Variants in QRICH1 observed in about 807,000 individuals in gnomAD.
QRICH1 encodes the protein transcriptional regulator QRICH1.
In QRICH1, 16 loss-of-function variants were observed where a neutral mutation model predicts 87.1. The ratio of observed to expected loss-of-function variants is 0.18; its 90% CI spans 0.12 to 0.28. QRICH1 has a LOEUF of 0.28. Ranked by LOEUF, QRICH1 falls within the 10% of genes least tolerant of loss-of-function variation. The pLI, the probability that QRICH1 is intolerant of heterozygous loss-of-function variation, is 1.00. For missense variants in QRICH1, 647 were observed against 951.7 expected (o/e 0.68, Z 4.21); for synonymous variants, 367 against 368.4 (o/e 1.00, Z 0.05).
chr3:49,068,342 AG>A (rs1401221408), intron 2 of QRICH1, among the ~76,000 whole-genome samples: 1 of 152,014 alleles, frequency 6.6e-6, no homozygotes, highest in Non-Finnish European at 1.5e-5. Context: ...CTATAGTCCC[AG>A]CTACTCAGGA....
chr3:49,035,784 T>G (rs1323228279), intron 6 of QRICH1, among the ~76,000 whole-genome samples: 1 of 151,560 alleles, frequency 6.6e-6, no homozygotes, highest in Non-Finnish European at 1.5e-5. Flanking sequence ...CAAGACCCTG[T>G]AAGAAAAACT....
chr3:49,093,109 C>CA (rs1231433878), intron 1 of QRICH1: 1 of 152,200 alleles, frequency 6.6e-6, no homozygotes, highest in African/African-American at 2.4e-5. Context: ...AGGTACCACT[C>CA]AAGGGCCTTC....
At chr3:49,036,518 G>A (rs951953975) in intron 6 of QRICH1, among the ~76,000 whole-genome samples, 3 of 152,044 alleles carry the variant, frequency 2.0e-5, no homozygotes, top group African/African-American at 7.3e-5. Flanking sequence ...GCCAATGATG[G>A]GACATTTGTG....
Position 49,030,376 on chromosome 3 carries a change from TG to T in QRICH1, c.*75del. The T allele has an allele frequency of 7.4e-7, 1 of 1,344,676 alleles. No homozygotes were observed. Among genetic ancestry groups the T allele is most frequent in the South Asian group, 1.3e-5 (1 of 75,652 alleles). 83.3% of individuals were successfully genotyped at this position (1,344,676 alleles called of 1,614,324 possible). On this transcript the variant is annotated 3_prime_UTR_variant, in exon 10 of 10. Coordinates refer to ENST00000395443, the MANE Select transcript of QRICH1 (RefSeq NM_198880.3). ...CCAATAAAAAAAAGAAAAAAAAAAA[TG>T]GAGGCCTCTTCTTTAGTGTGAAAGT...
At chr3:49,054,926 G>A (rs930724265) in intron 3 of QRICH1, among the ~76,000 whole-genome samples, 2 of 152,090 alleles carry the variant, frequency 1.3e-5, no homozygotes, top group African/African-American at 4.8e-5. Flanking sequence ...CAGTTCAAAC[G>A]TCATTTTGTC....
intron 6 of QRICH1, 101 bp downstream of exon 6, chr3:49,044,289 A>G: frequency 1.1e-6 from 1 of 889,584 alleles, no homozygotes; most frequent in Non-Finnish European, 1.8e-6. Context: ...TGGGATTTAT[A>G]TCCCCCCTCA....
chr3:49,064,491 A>G (rs998311105), intron 2 of QRICH1, among the ~76,000 whole-genome samples: 2 of 149,822 alleles, frequency 1.3e-5, no homozygotes, highest in Non-Finnish European at 3.0e-5. Context: ...ATCCTCAAGC[A>G]ATCCACCTAC....
At chr3:49,091,150 G>C (rs1273028171) in intron 1 of QRICH1, among the ~76,000 whole-genome samples, 1 of 152,074 alleles carries the variant, frequency 6.6e-6, no homozygotes, top group Non-Finnish European at 1.5e-5. Context: ...GTGAACCCAG[G>C]AGGCAGAGGT....
chr3:49,038,784 T>C (rs1327423455), intron 6 of QRICH1, among the ~76,000 whole-genome samples: 2 of 152,160 alleles, frequency 1.3e-5, no homozygotes, highest in African/African-American at 4.8e-5. Flanking sequence ...CCTAGCACTT[T>C]GGGAGGTTGA....
At chr3:49,041,972 T>C (rs1458008874) in intron 6 of QRICH1, among the ~76,000 whole-genome samples, 3 of 151,862 alleles carry the variant, frequency 2.0e-5, no homozygotes, top group Non-Finnish European at 4.4e-5. Flanking sequence ...CAACGTTTTA[T>C]GTGTTGGCCA....
At chr3:49,034,657 GGT>G (rs2093263751) in intron 6 of QRICH1, among the ~76,000 whole-genome samples, 1 of 151,630 alleles carries the variant, frequency 6.6e-6, no homozygotes, top group South Asian at 2.1e-4. Flanking sequence ...CCACAGGGCT[GGT>G]GTTACTGTAA....
intron 3 of QRICH1, among the ~76,000 whole-genome samples, chr3:49,053,785 T>C (rs1228103884): frequency 2.6e-5 from 4 of 152,180 alleles, no homozygotes; most frequent in Non-Finnish European, 4.4e-5. Context: ...ACAGAAGATA[T>C]GATAGCTTTC....
At chr3:49,083,326 G>A (rs939813451) in intron 1 of QRICH1, 5 of 151,670 alleles carry the variant, frequency 3.3e-5, no homozygotes, top group African/African-American at 1.2e-4. Context: ...GGGCTATAGT[G>A]CTCTATGCCA....
chr3:49,075,867 G>A (rs562228966), intron 2 of QRICH1, among the ~76,000 whole-genome samples: 1 of 151,838 alleles, frequency 6.6e-6, no homozygotes, highest in South Asian at 2.1e-4. Flanking sequence ...GCTTGAACCC[G>A]GGGGACAGAG....
intron 1 of QRICH1, among the ~76,000 whole-genome samples, chr3:49,078,421 G>A (rs1272104352): frequency 3.6e-5 from 4 of 112,184 alleles, no homozygotes; most frequent in Non-Finnish European, 6.8e-5. Context: ...TTGAGATGGA[G>A]TCTCATTCTG....
At chr3:49,049,931 G>A (rs900148862) in intron 3 of QRICH1, among the ~76,000 whole-genome samples, 5 of 151,960 alleles carry the variant, frequency 3.3e-5, no homozygotes, top group Non-Finnish European at 7.4e-5. Flanking sequence ...AGCTGGGCGC[G>A]GTGGCTCACA....
chr3:49,062,209 C>T (rs1385300818), intron 2 of QRICH1, among the ~76,000 whole-genome samples: 2 of 151,878 alleles, frequency 1.3e-5, no homozygotes, highest in East Asian at 3.9e-4. Context: ...GTTACACATG[C>T]TTGTAATCCC....
Position 49,030,362 on chromosome 3 carries a change from AAG to A in QRICH1, c.*88_*89del. On this transcript the variant is annotated 3_prime_UTR_variant, in exon 10 of 10. Transcript: ENST00000395443. ...GCTTCGTAACTACACCAATAAAAAA[AAG>A]AAAAAAAAAAATGGAGGCCTCTTCT... 1 of 1,325,998 alleles carries A rather than the reference AAG, an allele frequency of 7.5e-7. No homozygotes were observed. The highest frequency in any genetic ancestry group is 1.3e-5 in the South Asian group (1 of 74,536). 82.1% of individuals were successfully genotyped at this position (1,325,998 alleles called of 1,614,324 possible). A position where few individuals can be genotyped will look rare whatever the true frequency, so the allele number is the denominator to read the frequency against.
intron 2 of QRICH1, among the ~76,000 whole-genome samples, chr3:49,067,759 T>C (rs2093476828): frequency 6.6e-6 from 1 of 152,042 alleles, no homozygotes; most frequent in Non-Finnish European, 1.5e-5. Flanking sequence ...GGCAGGCGGA[T>C]CACGAGGTCA....
Sources: allele counts gnomAD v4.1 joint callset (sites outside exome capture counted in the v4.1 genomes callset), GRCh38; gene constraint gnomAD v4.1.1; transcripts MANE v1.5; gene names NCBI Gene and HGNC (gene_info 2026-07-23, HGNC 2026-07-21).